Variants in FRY observed in about 807,000 individuals in gnomAD.
FRY encodes FRY microtubule binding protein, also known as protein furry homolog.
FRY carries 128 observed loss-of-function variants against 348.4 expected under a neutral mutation model. The observed-to-expected ratio is 0.37, with a 90% CI of 0.32 to 0.43. The LOEUF (loss-of-function observed/expected upper bound fraction) is 0.43, where lower values mean the gene tolerates loss of function less well. FRY is among the 20% of genes least tolerant of loss of function. The probability of loss-of-function intolerance (pLI) is 1.00; values close to 1 mark genes in which losing one functional copy is unlikely to be tolerated. For missense variants in FRY, 2,736 were observed against 3,695.2 expected (o/e 0.74, Z 6.73); for synonymous variants, 1,370 against 1,374.7 (o/e 1.00, Z 0.08).
intron 3 of FRY, among the ~76,000 whole-genome samples, chr13:32,109,603 G>A (rs1399106486): frequency 1.3e-5 from 2 of 152,166 alleles, no homozygotes; most frequent in Non-Finnish European, 2.9e-5. Flanking sequence ...AGAGTGCTGG[G>A]AATGAGGGTA....
At chr13:32,184,546 A>T in intron 24 of FRY, 54 bp from the exon 25 acceptor site, 1 of 1,079,076 alleles carries the variant, frequency 9.3e-7, no homozygotes, top group Non-Finnish European at 1.4e-6. Flanking sequence ...TTCTAAAACA[A>T]AGTTAATATT....
At chr13:32,077,872 T>C (rs117874337) in intron 1 of FRY, among the ~76,000 whole-genome samples, 1,564 of 152,308 alleles carry the variant, frequency 0.01, 12 homozygotes, top group Non-Finnish European at 0.017. Flanking sequence ...GCTAAATACT[T>C]ATGTTTAACT....
chr13:32,254,979 C>A (rs1282594573), intron 51 of FRY, among the ~76,000 whole-genome samples: 1 of 152,122 alleles, frequency 6.6e-6, no homozygotes, highest in African/African-American at 2.4e-5. Flanking sequence ...TCTCAGTGGG[C>A]AAATGCAGAT....
At chr13:32,074,966 G>A (rs1874938772) in intron 1 of FRY, among the ~76,000 whole-genome samples, 1 of 152,162 alleles carries the variant, frequency 6.6e-6, no homozygotes, top group South Asian at 2.1e-4. Context: ...GCAGGACTGG[G>A]TAAAAAGCAA....
intron 7 of FRY, among the ~76,000 whole-genome samples, chr13:32,130,100 A>C (rs1593646887): frequency 1.5e-5 from 2 of 132,296 alleles, no homozygotes; most frequent in Admixed American, 1.8e-4. Context: ...TTACTCTATC[A>C]CCCAGGCTAG....
intron 58 of FRY, among the ~76,000 whole-genome samples, chr13:32,280,724 A>G (rs1888769736): frequency 1.3e-5 from 2 of 152,258 alleles, no homozygotes; most frequent in African/African-American, 4.8e-5. Context: ...TTCAGACAGG[A>G]AAGCACATTA....
chr13:32,072,574 C>T (rs1033420471), intron 1 of FRY, among the ~76,000 whole-genome samples: 1 of 151,694 alleles, frequency 6.6e-6, no homozygotes, highest in African/African-American at 2.4e-5. Flanking sequence ...TGAGTATTTG[C>T]AGTACCTTTT....
At chr13:32,262,565 T>G in intron 53 of FRY, 90 bp downstream of exon 53, 1 of 958,270 alleles carries the variant, frequency 1.0e-6, no homozygotes, top group Non-Finnish European at 1.7e-6. Context: ...TTAAGGGGTC[T>G]CAAGTAGAAA....
chr13:32,140,995 G>A (rs1295573022), intron 11 of FRY, among the ~76,000 whole-genome samples: 1 of 151,866 alleles, frequency 6.6e-6, no homozygotes, highest in Non-Finnish European at 1.5e-5. Context: ...GTATAGTATA[G>A]CTATTTTAAT....
At position 32,239,105 on chromosome 13, in the gene FRY, A is replaced by G. The variant is rs781183944; in HGVS notation, c.6419-147A>G. 4 of 682,238 alleles carry G rather than the reference A, an allele frequency of 5.9e-6. No homozygotes were observed. Among genetic ancestry groups the G allele is most frequent in the Non-Finnish European group, 1.1e-5 (4 of 372,800 alleles). 42.3% of individuals were successfully genotyped at this position (682,238 alleles called of 1,614,324 possible). Reference sequence around the variant, plus strand: ...GTGCAATTGTGGTTGTGCATTTTTCATAGATTTTGTGTTAGATCATGTTTA... The same window carrying G: ...GTGCAATTGTGGTTGTGCATTTTTCGTAGATTTTGTGTTAGATCATGTTTA... On this transcript the variant is annotated intron_variant, in intron 44 of 60. Coordinates refer to ENST00000542859, the MANE Select transcript of FRY (RefSeq NM_023037.3). This position sits in a 1 kb window ranked among gnomAD's most constrained non-coding sequence, Gnocchi z 4.3.
At chr13:32,200,343 T>C (rs1883941148) in intron 29 of FRY, among the ~76,000 whole-genome samples, 1 of 152,246 alleles carries the variant, frequency 6.6e-6, no homozygotes, top group Non-Finnish European at 1.5e-5. Context: ...CTAATATGTT[T>C]TTTCACCTTC....
intron 28 of FRY, among the ~76,000 whole-genome samples, chr13:32,189,872 A>G (rs1452429918): frequency 1.3e-5 from 2 of 152,188 alleles, no homozygotes; most frequent in Admixed American, 6.5e-5. Flanking sequence ...CATTCATGAG[A>G]TTGTCTCTAA....
At position 32,218,819 on chromosome 13, in the gene FRY, G is replaced by A. The variant is rs1406336757; in HGVS notation, c.4753G>A (p.Asp1585Asn). Residue 1585 changes from aspartate (D) to asparagine (N), a missense_variant, in exon 36 of 61, where the codon GAT (aspartate) becomes AAT (asparagine). Transcript: ENST00000542859. Reference sequence around the variant, plus strand: ...CAGCAATAGCTCTGGAGGATCCTACGATGAAGATAAAAGTAAGTACCAACA... The same window carrying A: ...CAGCAATAGCTCTGGAGGATCCTACAATGAAGATAAAAGTAAGTACCAACA... ...RYSNSSGGSYDEDKNDPISPY... is the reference protein window; with the variant it reads ...RYSNSSGGSYNEDKNDPISPY... 1.8e-5 allele frequency: 28 copies of A among 1,596,172 alleles called. No individual in the cohort carries two copies. Among genetic ancestry groups the A allele is most frequent in the African/African-American group, 4.0e-5 (3 of 74,526 alleles).
chr13:32,079,486 C>G (rs1047809165), intron 2 of FRY, among the ~76,000 whole-genome samples: 7 of 152,072 alleles, frequency 4.6e-5, no homozygotes, highest in Non-Finnish European at 7.4e-5. Flanking sequence ...GGCCTTGGTA[C>G]CATATTGTCA....
Position 32,152,505 on chromosome 13 carries a change from A to G in FRY, c.1479+2671A>G, listed in dbSNP as rs117300238. Among the ~76,000 whole-genome samples the G allele has an allele frequency of 2.0e-4, 30 of 152,282 alleles. 1 individual carries two copies. The East Asian group carries it at 4.2e-3, about 22-fold the overall frequency. The stretch of plus-strand genomic sequence containing the variant: ...ATATAGGGTCAATTGATTTTCAACA[A>G]TGATTCTAAGTTAATTCAATGGATA... On this transcript the variant is annotated intron_variant, in intron 14 of 60. Coordinates refer to ENST00000542859, the MANE Select transcript of FRY (RefSeq NM_023037.3).
At chr13:32,204,568 A>T (rs1376000301) in intron 31 of FRY, among the ~76,000 whole-genome samples, 1 of 152,150 alleles carries the variant, frequency 6.6e-6, no homozygotes, top group Non-Finnish European at 1.5e-5. Context: ...CCTCTTGTAA[A>T]TCTTTGCTTC....
rs1194993390 is a variant in FRY at position 32,274,927 on chromosome 13, T to C, written c.8222T>C (p.Val2741Ala). 1 of 1,613,432 alleles carries C rather than the reference T, an allele frequency of 6.2e-7. No individual in the cohort carries two copies. Among genetic ancestry groups the C allele is most frequent in the Non-Finnish European group, 8.5e-7 (1 of 1,179,418 alleles). Residue 2741 changes from valine (V) to alanine (A), a missense_variant, in exon 56 of 61, where the codon GTC becomes GCC. Transcript: ENST00000542859. ...DNLRGIGSKF[V>A]SSSQMLTSCS... is the part of the protein sequence containing the mutation. ...CTCCGGGGAATCGGATCCAAATTTGTCAGCTCTTCCCAGATGCTCACCTCC... is the reference window on the plus strand; with the variant it reads ...CTCCGGGGAATCGGATCCAAATTTGCCAGCTCTTCCCAGATGCTCACCTCC...
intron 3 of FRY, 26 bp from the exon 4 acceptor site, chr13:32,117,308 C>G: frequency 1.9e-6 from 3 of 1,612,090 alleles, no homozygotes; most frequent in Non-Finnish European, 2.5e-6. Context: ...TACCAGTGTT[C>G]TAATCACCTG....
intron 11 of FRY, among the ~76,000 whole-genome samples, chr13:32,140,093 AAC>A (rs538131860): frequency 0.022 from 3,267 of 150,576 alleles, 110 homozygotes; most frequent in African/African-American, 0.077. Context: ...TTAAAAAAAA[AAC>A]AAAAACAGAA....
Sources: allele counts gnomAD v4.1 joint callset (sites outside exome capture counted in the v4.1 genomes callset), GRCh38; gene constraint gnomAD v4.1.1; non-coding constraint Gnocchi (gnomAD v3.1); transcripts MANE v1.5; gene names NCBI Gene and HGNC (gene_info 2026-07-23, HGNC 2026-07-21).